EHHADH: variants seen among roughly 807,000 people sequenced by gnomAD.
The protein encoded by EHHADH is enoyl-CoA hydratase and 3-hydroxyacyl CoA dehydrogenase, also known as peroxisomal bifunctional enzyme.
A neutral mutation model predicts 64.4 loss-of-function variants in EHHADH; 48 were observed. That is an observed-to-expected ratio of 0.75 (90% CI 0.59 to 0.95). The LOEUF is 0.95. Ranked by LOEUF, EHHADH falls within the 40% of genes least tolerant of loss-of-function variation. The pLI is 0.00. For missense variants in EHHADH, 854 were observed against 876.6 expected (o/e 0.97, Z 0.33); for synonymous variants, 308 against 326.7 (o/e 0.94, Z 0.62).
At position 185,192,430 on chromosome 3, in the gene EHHADH, C is replaced by T. The variant is rs748880297; in HGVS notation, c.1968G>A (p.Trp656Ter). Reference sequence around the variant, plus strand: ...ACATGGGCCCGCCCTTGTGCCTTGGCCATCCATATCCATGTAAATAGACAA... The same window carrying T: ...ACATGGGCCCGCCCTTGTGCCTTGGTCATCCATATCCATGTAAATAGACAA... The part of the protein sequence containing the change: ...IDVVYLHGYG[W>*]PRHKGGPMFY... Residue 656 changes from tryptophan (W) to a stop codon, truncating the protein, a stop_gained, in exon 7 of 7, where the codon TGG (tryptophan) becomes TGA (stop). Transcript: ENST00000231887. LOFTEE classifies it high-confidence loss of function. The T allele has an allele frequency of 8.1e-6, 13 of 1,614,074 alleles. No homozygotes were observed. Among genetic ancestry groups the T allele is most frequent in the Non-Finnish European group, 1.0e-5 (12 of 1,180,054 alleles).
At chr3:185,199,317 G>A (rs543594825) in intron 6 of EHHADH, among the ~76,000 whole-genome samples, 1 of 152,354 alleles carries the variant, frequency 6.6e-6, no homozygotes, top group African/African-American at 2.4e-5. Context: ...GCACACAGAA[G>A]ACTGTACTTT....
chr3:185,242,177 C>A (rs1351470455), intron 2 of EHHADH, among the ~76,000 whole-genome samples: 1 of 152,126 alleles, frequency 6.6e-6, no homozygotes, highest in African/African-American at 2.4e-5. Flanking sequence ...ATGATGTTAA[C>A]AAATGGAAAC....
chr3:185,223,334 C>T lies in EHHADH; in HGVS notation c.464-5094G>A, dbSNP rs118153228. 2.2e-4 allele frequency among the ~76,000 whole-genome samples: 33 copies of T among 152,074 alleles called. No individual in the cohort carries two copies. In the East Asian group the frequency reaches 5.4e-3, roughly 25 times the overall value. On this transcript the variant is annotated intron_variant, in intron 4 of 6. Transcript: ENST00000231887. ...TTGGCTAAGGTTTTGATTTTAAATA[C>T]GGTGTTCTTATTTAACAAAATATTT...
intron 4 of EHHADH, among the ~76,000 whole-genome samples, chr3:185,219,887 G>T (rs1718790072): frequency 6.6e-6 from 1 of 151,934 alleles, no homozygotes; most frequent in Admixed American, 6.6e-5. Flanking sequence ...TTTTTGGTAG[G>T]TCTCTCTTTG....
At chr3:185,251,370 C>T (rs1205886120) in intron 1 of EHHADH, among the ~76,000 whole-genome samples, 2 of 152,078 alleles carry the variant, frequency 1.3e-5, no homozygotes, top group African/African-American at 4.8e-5. Context: ...AAACTGCTTT[C>T]GGTTACGTGT....
chr3:185,244,367 G>T (rs1337030153), intron 2 of EHHADH, among the ~76,000 whole-genome samples: 1 of 152,098 alleles, frequency 6.6e-6, no homozygotes, highest in African/African-American at 2.4e-5. Context: ...ATGAGGGTTT[G>T]TTTCCGTCAT....
At chr3:185,246,002 T>C in intron 2 of EHHADH, 2 of 1,444,510 alleles carry the variant, frequency 1.4e-6, no homozygotes, top group African/African-American at 1.4e-5. Context: ...TTTGCTATCT[T>C]CATCTTCTAG....
At chr3:185,249,990 TG>T (rs372485430) in intron 1 of EHHADH, among the ~76,000 whole-genome samples, 1 of 152,326 alleles carries the variant, frequency 6.6e-6, no homozygotes, top group East Asian at 1.9e-4. Context: ...GCAGCCACCT[TG>T]GATCAGGAGG....
Position 185,204,428 on chromosome 3 carries a change from C to A in EHHADH, c.898G>T (p.Val300Phe). 6.2e-7 allele frequency: 1 copy of A among 1,605,018 alleles called. No homozygotes were observed. The highest frequency in any genetic ancestry group is 1.3e-5 in the African/African-American group (1 of 74,928). The change falls in exon 6 of 7, where the codon GTT becomes TTT. Residue 300 changes from valine (V) to phenylalanine (F), a missense_variant. Transcript: ENST00000231887. ...KTASARPVSS[V>F]GVVGLGTMGR... ...CCCATGGTCTTACCAACAACACCAA[C>A]TGAGGAGACAGGCCGCGCTGATGCT...
intron 5 of EHHADH, among the ~76,000 whole-genome samples, chr3:185,215,197 C>T (rs1006576431): frequency 4.6e-5 from 7 of 151,934 alleles, no homozygotes; most frequent in Admixed American, 2.6e-4. Flanking sequence ...CAGGTATTTA[C>T]CCAAGAAAAA....
chr3:185,194,131 G>A (rs1717992088), intron 6 of EHHADH, among the ~76,000 whole-genome samples: 1 of 152,146 alleles, frequency 6.6e-6, no homozygotes, highest in Admixed American at 6.5e-5. Flanking sequence ...TACTGAAAAA[G>A]AACAAAGTTG....
At chr3:185,211,730 T>C (rs1189406924) in intron 5 of EHHADH, among the ~76,000 whole-genome samples, 1 of 152,226 alleles carries the variant, frequency 6.6e-6, no homozygotes, top group Non-Finnish European at 1.5e-5. Context: ...AGGCCTCCTA[T>C]GTAAGGCAGG....
At chr3:185,199,983 T>G (rs1718179642) in intron 6 of EHHADH, among the ~76,000 whole-genome samples, 1 of 152,202 alleles carries the variant, frequency 6.6e-6, no homozygotes. Flanking sequence ...AAAGCTTAAA[T>G]ATTTACCATC....
chr3:185,228,257 A>AAAAAAAGAAATATATATAT (rs1367786172), intron 4 of EHHADH, among the ~76,000 whole-genome samples: 1 of 21,994 alleles, frequency 4.5e-5, no homozygotes, highest in Non-Finnish European at 1.1e-4. Context: ...AAAAAAAAAA[A>AAAAAAAGAAATATATATAT]ATATATATAT....
At chr3:185,242,749 G>A (rs932984404) in intron 2 of EHHADH, among the ~76,000 whole-genome samples, 5 of 152,194 alleles carry the variant, frequency 3.3e-5, no homozygotes, top group Non-Finnish European at 7.3e-5. Context: ...TCTGTTTCCA[G>A]GCAGTGGGCA....
rs566932905 is a variant in EHHADH at position 185,243,851 on chromosome 3, G to C, written c.178+4563C>G. The stretch of plus-strand genomic sequence containing the variant: ...TTATTGCATAGAATGTTCTATAAGT[G>C]TGTCTATTAGGTCCATTTGGTCTAA... On this transcript the variant is annotated intron_variant, in intron 2 of 6. Coordinates refer to ENST00000231887, the MANE Select transcript of EHHADH (RefSeq NM_001966.4). Among the ~76,000 whole-genome samples, 6 of 152,264 alleles carry C rather than the reference G, an allele frequency of 3.9e-5. No homozygotes were observed. The East Asian group carries it at 1.2e-3, about 29-fold the overall frequency.
chr3:185,198,046 C>G (rs950356780), intron 6 of EHHADH, among the ~76,000 whole-genome samples: 3 of 152,092 alleles, frequency 2.0e-5, no homozygotes, highest in Non-Finnish European at 4.4e-5. Flanking sequence ...ATCCACCTGC[C>G]TTGGCCTCCC....
chr3:185,199,017 A>G (rs1236824682), intron 6 of EHHADH, among the ~76,000 whole-genome samples: 1 of 152,182 alleles, frequency 6.6e-6, no homozygotes, highest in Non-Finnish European at 1.5e-5. Flanking sequence ...TCCATTCCAT[A>G]TGGTAAAGTA....
intron 5 of EHHADH, among the ~76,000 whole-genome samples, chr3:185,210,266 T>C (rs1718504933): frequency 6.6e-6 from 1 of 152,190 alleles, no homozygotes; most frequent in African/African-American, 2.4e-5. Flanking sequence ...TTGAAGAGTT[T>C]ACGAAGTTCA....
Sources: allele counts gnomAD v4.1 joint callset (sites outside exome capture counted in the v4.1 genomes callset), GRCh38; gene constraint gnomAD v4.1.1; transcripts MANE v1.5; gene names NCBI Gene and HGNC (gene_info 2026-07-23, HGNC 2026-07-21).